QTGAL: variants seen among roughly 807,000 people sequenced by gnomAD.
The protein encoded by QTGAL is BGnT-like protein 1.
At chr17:83,005,804 G>C in the QTGAL span, 3 of 1,130,614 alleles carry the variant, frequency 2.7e-6, no homozygotes, top group Admixed American at 2.8e-5. This position sits in a 1 kb window ranked among gnomAD's most constrained non-coding sequence, Gnocchi z 5.6. Flanking sequence ...GGGCCCTGCA[G>C]AGCCTCAGAG....
At chr17:82,956,862 A>C in the QTGAL span, 8 of 1,388,684 alleles carry the variant, frequency 5.8e-6, no homozygotes, top group Non-Finnish European at 8.0e-6. The surrounding 1 kb of genome is among the most constrained non-coding windows in gnomAD (Gnocchi z 5.7). Flanking sequence ...AAGTTGGCTC[A>C]CACAGGAGCC....
At chr17:82,963,707 C>T in the QTGAL span, among the ~76,000 whole-genome samples, 3 of 152,064 alleles carry the variant, frequency 2.0e-5, no homozygotes, top group African/African-American at 7.2e-5. Flanking sequence ...GAAGAAAGTG[C>T]ATTAGTGCTT....
chr17:83,014,557 A>G, the QTGAL span: 19 of 1,609,120 alleles, frequency 1.2e-5, no homozygotes, highest in Non-Finnish European at 1.6e-5. Flanking sequence ...GTTTGTTTGC[A>G]TTGATTGATG....
the QTGAL span, chr17:82,942,716 T>C: frequency 1.0e-5 from 6 of 592,144 alleles, no homozygotes; most frequent in African/African-American, 9.3e-5. Flanking sequence ...TTCCTGCCTT[T>C]TGTCTCTGAG....
At chr17:83,040,320 G>A in the QTGAL span, among the ~76,000 whole-genome samples, 11 of 152,168 alleles carry the variant, frequency 7.2e-5, no homozygotes, top group East Asian at 1.9e-4. Flanking sequence ...AACTAAAAAC[G>A]TATCATCTGC....
chr17:83,028,247 G>C, the QTGAL span, among the ~76,000 whole-genome samples: 1 of 151,144 alleles, frequency 6.6e-6, no homozygotes, highest in Non-Finnish European at 1.5e-5. Context: ...TCACCAGGCC[G>C]GGCGCGGTGG....
the QTGAL span, among the ~76,000 whole-genome samples, chr17:83,025,087 T>C: frequency 6.6e-6 from 1 of 152,206 alleles, no homozygotes. Flanking sequence ...CAGTAACTAA[T>C]GATAACTCAA....
the QTGAL span, among the ~76,000 whole-genome samples, chr17:82,987,097 T>C: frequency 6.6e-6 from 1 of 152,136 alleles, no homozygotes; most frequent in Non-Finnish European, 1.5e-5. Context: ...CAAATCACAA[T>C]CCTGAAAAAT....
At chr17:82,947,099 G>C in the QTGAL span, 1 of 808,612 alleles carries the variant, frequency 1.2e-6, no homozygotes, top group Admixed American at 2.6e-5. Context: ...CAAGTGTTCT[G>C]CTCCTCTGCT....
the QTGAL span, chr17:82,945,184 T>G: frequency 6.6e-6 from 1 of 152,220 alleles, no homozygotes; most frequent in Non-Finnish European, 1.5e-5. Context: ...AAAAGCTCAA[T>G]GGATAGCTTA....
the QTGAL span, among the ~76,000 whole-genome samples, chr17:82,974,102 GC>G: frequency 6.6e-6 from 1 of 152,198 alleles, no homozygotes; most frequent in South Asian, 2.1e-4. Context: ...GAGTTCTCCT[GC>G]CCCTTGGGCC....
At chr17:83,040,948 C>T in the QTGAL span, among the ~76,000 whole-genome samples, 1 of 151,942 alleles carries the variant, frequency 6.6e-6, no homozygotes, top group African/African-American at 2.4e-5. Context: ...TGCCTGTAGT[C>T]CCAGCTACTT....
At chr17:83,018,413 G>C in the QTGAL span, among the ~76,000 whole-genome samples, 3 of 152,204 alleles carry the variant, frequency 2.0e-5, no homozygotes, top group Non-Finnish European at 4.4e-5. Context: ...TAAAACAAAT[G>C]AATAGATCTT....
the QTGAL span, among the ~76,000 whole-genome samples, chr17:83,008,328 G>A: frequency 9.9e-5 from 15 of 152,244 alleles, no homozygotes; most frequent in Non-Finnish European, 1.8e-4. Flanking sequence ...GCCAACAGGC[G>A]GAGCAGAAAG....
the QTGAL span, among the ~76,000 whole-genome samples, chr17:83,009,695 G>A: frequency 1.3e-5 from 2 of 152,112 alleles, no homozygotes; most frequent in African/African-American, 2.4e-5. Flanking sequence ...CCCAGGTGAG[G>A]TGCCCTCGGT....
At chr17:82,964,600 G>A in the QTGAL span, among the ~76,000 whole-genome samples, 11 of 140,682 alleles carry the variant, frequency 7.8e-5, no homozygotes, top group African/African-American at 2.4e-4. Flanking sequence ...CGGGGAGGAC[G>A]GAGACATGGA....
At chr17:82,990,640 T>C in the QTGAL span, among the ~76,000 whole-genome samples, 1,850 of 152,342 alleles carry the variant, frequency 0.012, 43 homozygotes, top group African/African-American at 0.042. Context: ...GAATTTTAGA[T>C]TTGGGGATTT....
the QTGAL span, chr17:83,007,343 T>C: frequency 1.1e-6 from 1 of 910,220 alleles, no homozygotes; most frequent in South Asian, 5.1e-5. Context: ...TTGGTGTGTC[T>C]GTTTCTGTGC....
the QTGAL span, among the ~76,000 whole-genome samples, chr17:83,016,640 A>G: frequency 8.4e-4 from 106 of 126,112 alleles, no homozygotes; most frequent in South Asian, 1.8e-3. Flanking sequence ...GGGACAGAAG[A>G]AGGAGGGAGG....
Sources: gnomAD v4.1 joint callset for allele counts (sites outside exome capture counted in the v4.1 genomes callset) on GRCh38, gnomAD v4.1.1 for gene constraint, Gnocchi (gnomAD v3.1) non-coding constraint, MANE v1.5 for transcripts, NCBI Gene and HGNC (gene_info 2026-07-23, HGNC 2026-07-21) for gene names.